FOXN3: variants seen among roughly 807,000 people sequenced by gnomAD.
FOXN3 encodes the protein forkhead box N3, also known as forkhead box protein N3.
In FOXN3, 7 loss-of-function variants were observed where a neutral mutation model predicts 38.4. The ratio of observed to expected loss-of-function variants is 0.18; its 90% CI spans 0.10 to 0.34. The LOEUF is 0.34. FOXN3 is among the 10% of genes least tolerant of loss of function. FOXN3 has a pLI of 1.00. For missense variants in FOXN3, 456 were observed against 613.4 expected (o/e 0.74, Z 2.71); for synonymous variants, 230 against 242.2 (o/e 0.95, Z 0.47).
chr14:89,307,933 T>C (rs1453469730), intron 3 of FOXN3, among the ~76,000 whole-genome samples: 1 of 152,230 alleles, frequency 6.6e-6, no homozygotes. Flanking sequence ...TTTGTCAGTA[T>C]TTGCATTTTT....
intron 1 of FOXN3, among the ~76,000 whole-genome samples, chr14:89,440,064 T>A (rs1331559836): frequency 1.3e-5 from 2 of 152,118 alleles, no homozygotes; most frequent in Non-Finnish European, 2.9e-5. Flanking sequence ...TGGGACCCCT[T>A]TCCTGTAACG....
intron 1 of FOXN3, among the ~76,000 whole-genome samples, chr14:89,480,940 G>T (rs1488596416): frequency 6.6e-6 from 1 of 152,100 alleles, no homozygotes; most frequent in African/African-American, 2.4e-5. Context: ...TCATTTTTCA[G>T]CTGCTGTTCC....
At chr14:89,301,241 C>A (rs887525457) in intron 3 of FOXN3, among the ~76,000 whole-genome samples, 4 of 151,372 alleles carry the variant, frequency 2.6e-5, no homozygotes, top group African/African-American at 9.7e-5. Context: ...GAGACTGAGG[C>A]AGGAAGACTG....
chr14:89,299,479 A>T (rs769005859), intron 3 of FOXN3, among the ~76,000 whole-genome samples: 4 of 152,132 alleles, frequency 2.6e-5, no homozygotes, highest in Admixed American at 6.5e-5. Context: ...GCCCTTCAAT[A>T]TCTTCTCTTT....
intron 1 of FOXN3, among the ~76,000 whole-genome samples, chr14:89,423,838 C>T (rs1037805707): frequency 1.3e-5 from 2 of 152,158 alleles, no homozygotes; most frequent in Admixed American, 6.5e-5. Flanking sequence ...TCAGTGAGCA[C>T]GGACAGCCAC....
intron 1 of FOXN3, among the ~76,000 whole-genome samples, chr14:89,464,467 C>A (rs1353964708): frequency 6.6e-6 from 1 of 152,100 alleles, no homozygotes; most frequent in Non-Finnish European, 1.5e-5. Context: ...CGAGTGGTTC[C>A]CCTTTCCAAG....
chr14:89,290,819 C>A, intron 3 of FOXN3: 1 of 271,102 alleles, frequency 3.7e-6, no homozygotes, highest in South Asian at 3.8e-5. Context: ...AGGCTTCTCC[C>A]TGGTTAAACC....
intron 2 of FOXN3, among the ~76,000 whole-genome samples, chr14:89,388,759 T>C (rs1890857729): frequency 6.7e-6 from 1 of 150,318 alleles, no homozygotes; most frequent in African/African-American, 2.5e-5. Flanking sequence ...AGCAGGAAAA[T>C]CAAGAAGAAG....
At chr14:89,466,774 T>C (rs139155687) in intron 1 of FOXN3, among the ~76,000 whole-genome samples, 3 of 152,232 alleles carry the variant, frequency 2.0e-5, no homozygotes, top group South Asian at 2.1e-4. Flanking sequence ...ACCACTCCCT[T>C]TGGGTTTTAC....
chr14:89,350,639 G>A lies in FOXN3; in HGVS notation c.680+33C>T, dbSNP rs545518040. ...TCTCTGCCAAAATAATGCCATTTCA[G>A]TAGACCAAAAAAAAGAAGTCTGAAT... On this transcript the variant is annotated intron_variant, in intron 3 of 5. Coordinates refer to ENST00000557258, the MANE Select transcript of FOXN3 (RefSeq NM_005197.4). 1.1e-5 allele frequency: 17 copies of A among 1,478,880 alleles called. No homozygotes were observed. The East Asian group carries it at 2.8e-4, about 25-fold the overall frequency. 91.6% of individuals were successfully genotyped at this position (1,478,880 alleles called of 1,614,324 possible).
At chr14:89,175,146 A>G (rs1478870049) in intron 5 of FOXN3, among the ~76,000 whole-genome samples, 1 of 152,218 alleles carries the variant, frequency 6.6e-6, no homozygotes, top group Non-Finnish European at 1.5e-5. Context: ...TGACCTTAAG[A>G]ATTAATGTTT....
At chr14:89,521,931 G>C (rs983560974) in intron 1 of FOXN3, among the ~76,000 whole-genome samples, 1 of 151,674 alleles carries the variant, frequency 6.6e-6, no homozygotes, top group Non-Finnish European at 1.5e-5. Context: ...GGTAGGGGTG[G>C]GGTATCCATT....
At chr14:89,515,068 C>T (rs1452159518) in intron 1 of FOXN3, among the ~76,000 whole-genome samples, 3 of 151,996 alleles carry the variant, frequency 2.0e-5, no homozygotes, top group East Asian at 1.9e-4. Context: ...TACAAGCGCC[C>T]GCCACCACGT....
intron 2 of FOXN3, among the ~76,000 whole-genome samples, chr14:89,369,020 A>G (rs913811969): frequency 6.6e-6 from 1 of 152,180 alleles, no homozygotes; most frequent in Non-Finnish European, 1.5e-5. Context: ...CCACCATGTC[A>G]TGAGTCCTGA....
intron 1 of FOXN3, among the ~76,000 whole-genome samples, chr14:89,550,446 C>G (rs1042113797): frequency 6.6e-6 from 1 of 152,210 alleles, no homozygotes; most frequent in African/African-American, 2.4e-5. Context: ...ACTGAAAAAT[C>G]TTCCACTCAT....
At chr14:89,298,552 G>A (rs1887117950) in intron 3 of FOXN3, among the ~76,000 whole-genome samples, 1 of 148,228 alleles carries the variant, frequency 6.7e-6, no homozygotes, top group African/African-American at 2.5e-5. Context: ...ATAAATAACA[G>A]ATAGACGACA....
chr14:89,347,140 G>T (rs1888784238), intron 3 of FOXN3, among the ~76,000 whole-genome samples: 1 of 152,080 alleles, frequency 6.6e-6, no homozygotes, highest in Non-Finnish European at 1.5e-5. Context: ...CTACATTGAA[G>T]ATCTAGCCCC....
chr14:89,575,892 T>C (rs903562004), intron 1 of FOXN3, among the ~76,000 whole-genome samples: 1 of 152,236 alleles, frequency 6.6e-6, no homozygotes, highest in African/African-American at 2.4e-5. Flanking sequence ...TGTGAAACTC[T>C]TCATTCAGCA....
chr14:89,447,912 G>T (rs1273410542), intron 1 of FOXN3, among the ~76,000 whole-genome samples: 1 of 132,592 alleles, frequency 7.5e-6, no homozygotes, highest in Non-Finnish European at 1.5e-5. Flanking sequence ...CCGCCTCCCA[G>T]GTTCAATCGA....
Sources: gnomAD v4.1 joint callset for allele counts (sites outside exome capture counted in the v4.1 genomes callset) on GRCh38, gnomAD v4.1.1 for gene constraint, MANE v1.5 for transcripts, NCBI Gene and HGNC (gene_info 2026-07-23, HGNC 2026-07-21) for gene names.